The following SAMMSON variants were observed in gnomAD, a reference collection of about 807,000 sequenced individuals.
SAMMSON encodes the protein survival associated mitochondrial melanoma specific oncogenic non-coding RNA.
chr3:70,283,767 T>C (rs1266808536), intron 6 of SAMMSON: 2 of 143,328 alleles, frequency 1.4e-5, no homozygotes, highest in Non-Finnish European at 3.0e-5. Flanking sequence ...GTAATGCTTA[T>C]TTTTTGTAAA....
chr3:70,166,919 T>C (rs540491895), intron 4 of SAMMSON, among the ~76,000 whole-genome samples: 1 of 151,988 alleles, frequency 6.6e-6, no homozygotes, highest in Non-Finnish European at 1.5e-5. Flanking sequence ...TAGGCATTAT[T>C]CTCTTTAGTT....
intron 4 of SAMMSON, chr3:70,096,017 G>A: frequency 6.6e-6 from 1 of 152,106 alleles, no homozygotes; most frequent in Admixed American, 6.6e-5. Context: ...TCTGCCTCAG[G>A]GTCTCTCACA....
chr3:70,163,627 G>T (rs2067625290), intron 4 of SAMMSON, among the ~76,000 whole-genome samples: 1 of 151,782 alleles, frequency 6.6e-6, no homozygotes, highest in Non-Finnish European at 1.5e-5. Flanking sequence ...AAGACCTTGG[G>T]CAAAAGAAAG....
chr3:70,045,243 A>G (rs929802127), intron 3 of SAMMSON, among the ~76,000 whole-genome samples: 6 of 145,556 alleles, frequency 4.1e-5, no homozygotes, highest in South Asian at 2.1e-4. Flanking sequence ...TTTATTTAGT[A>G]TGTTTTAAAT....
intron 7 of SAMMSON, among the ~76,000 whole-genome samples, chr3:70,293,507 G>T (rs530436002): frequency 6.6e-6 from 1 of 152,126 alleles, no homozygotes; most frequent in Non-Finnish European, 1.5e-5. Context: ...CTATTGTGAT[G>T]TTGCCTATAT....
chr3:70,304,836 GACC>G (rs908215219), intron 7 of SAMMSON, among the ~76,000 whole-genome samples: 4 of 152,044 alleles, frequency 2.6e-5, no homozygotes, highest in African/African-American at 4.8e-5. Context: ...ATTCCCAACT[GACC>G]AACAAGGTTC....
At chr3:70,369,520 C>CT (rs71126500) in intron 9 of SAMMSON, among the ~76,000 whole-genome samples, 26,543 of 145,006 alleles carry the variant, frequency 0.18, 2,452 homozygotes, top group East Asian at 0.31. Context: ...CTTTTATATT[C>CT]TTTTTTTTTT....
At chr3:70,365,902 A>ATATTGATTAT (rs1469459163) in intron 9 of SAMMSON, among the ~76,000 whole-genome samples, 2 of 149,614 alleles carry the variant, frequency 1.3e-5, no homozygotes, top group Admixed American at 1.3e-4. Flanking sequence ...GGGTACTTAT[A>ATATTGATTAT]TATTGATTAT....
intron 6 of SAMMSON, among the ~76,000 whole-genome samples, chr3:70,268,299 C>T (rs111397343): frequency 0.02 from 3,034 of 151,988 alleles, 114 homozygotes; most frequent in African/African-American, 0.07. Flanking sequence ...GGAGAAACAC[C>T]CACCGTCTGT....
At chr3:70,013,319 C>T (rs2066966683) in intron 2 of SAMMSON, among the ~76,000 whole-genome samples, 1 of 151,986 alleles carries the variant, frequency 6.6e-6, no homozygotes, top group Non-Finnish European at 1.5e-5. Flanking sequence ...TAAGAGTAGC[C>T]TCCTCAAAGG....
At chr3:70,007,042 T>A (rs1175301252) in intron 1 of SAMMSON, among the ~76,000 whole-genome samples, 10 of 152,150 alleles carry the variant, frequency 6.6e-5, no homozygotes, top group African/African-American at 2.4e-4. Flanking sequence ...TCATCCAGTC[T>A]ATCATTGTTG....
intron 6 of SAMMSON, among the ~76,000 whole-genome samples, chr3:70,272,822 A>C (rs1357658734): frequency 6.6e-6 from 1 of 152,126 alleles, no homozygotes; most frequent in Admixed American, 6.5e-5. Context: ...CGAAGTTAGA[A>C]TTTTCTTTCG....
intron 3 of SAMMSON, among the ~76,000 whole-genome samples, chr3:70,045,885 G>T (rs1324460854): frequency 6.6e-6 from 1 of 151,850 alleles, no homozygotes; most frequent in South Asian, 2.1e-4. Context: ...TCTTCTTTTG[G>T]TAAGTTTCCT....
chr3:70,103,063 C>T (rs2067352257), intron 4 of SAMMSON, among the ~76,000 whole-genome samples: 1 of 152,102 alleles, frequency 6.6e-6, no homozygotes, highest in African/African-American at 2.4e-5. Context: ...CCAAGGTTGG[C>T]ACTTGAGTGA....
At chr3:70,237,549 C>A (rs1701621978) in intron 4 of SAMMSON, among the ~76,000 whole-genome samples, 1 of 152,224 alleles carries the variant, frequency 6.6e-6, no homozygotes, top group African/African-American at 2.4e-5. Context: ...ACACCTCTTA[C>A]TCTTCTTCTT....
At chr3:70,303,334 G>A (rs1320882842) in intron 7 of SAMMSON, among the ~76,000 whole-genome samples, 1 of 152,126 alleles carries the variant, frequency 6.6e-6, no homozygotes, top group African/African-American at 2.4e-5. Flanking sequence ...GCTAACCCAG[G>A]AGTCAGACTC....
At chr3:70,320,786 C>A (rs547127441) in intron 7 of SAMMSON, among the ~76,000 whole-genome samples, 44 of 152,192 alleles carry the variant, frequency 2.9e-4, no homozygotes, top group Middle Eastern at 3.4e-3. Context: ...TTAGCATTTA[C>A]CTACTTAGGT....
At chr3:70,411,293 T>G (rs1701216364) in intron 2 of SAMMSON, among the ~76,000 whole-genome samples, 1 of 152,188 alleles carries the variant, frequency 6.6e-6, no homozygotes, top group African/African-American at 2.4e-5. Context: ...GATTTCAGTC[T>G]TTCTGGAAGT....
chr3:70,226,219 C>A (rs1406599679), intron 4 of SAMMSON, among the ~76,000 whole-genome samples: 2 of 152,174 alleles, frequency 1.3e-5, no homozygotes, highest in African/African-American at 2.4e-5. Context: ...AGGCAATATA[C>A]TAGCTGCTGG....
Sources: allele counts gnomAD v4.1 joint callset (sites outside exome capture counted in the v4.1 genomes callset), GRCh38; gene constraint gnomAD v4.1.1; transcripts MANE v1.5; gene names NCBI Gene and HGNC (gene_info 2026-07-23, HGNC 2026-07-21).